TMEM200A: variants seen among roughly 807,000 people sequenced by gnomAD.
The protein encoded by TMEM200A is transmembrane protein 200A.
In TMEM200A, 12 loss-of-function variants were observed where a neutral mutation model predicts 24.3. The observed-to-expected ratio is 0.49, with a 90% CI of 0.32 to 0.80. The LOEUF is 0.80. TMEM200A is among the 30% of genes least tolerant of loss of function. The pLI is 0.04. For missense variants in TMEM200A, 545 were observed against 614.4 expected, an observed-to-expected ratio of 0.89 and a Z score of 1.19; for synonymous variants, 224 against 224.4, an observed-to-expected ratio of 1.00 and a Z score of 0.02.
chr6:130,417,544 A>C (rs1779485400), intron 2 of TMEM200A, among the ~76,000 whole-genome samples: 2 of 152,182 alleles, frequency 1.3e-5, no homozygotes, highest in South Asian at 4.1e-4. Context: ...TCTTTGTATT[A>C]TATGGAAGGT....
intron 2 of TMEM200A, among the ~76,000 whole-genome samples, chr6:130,433,113 T>A (rs1217576005): frequency 6.6e-6 from 1 of 151,974 alleles, no homozygotes; most frequent in African/African-American, 2.4e-5. Flanking sequence ...GAAAAACAAT[T>A]ATGCTACATG....
intron 2 of TMEM200A, chr6:130,438,953 G>A (rs994818282): frequency 1.3e-5 from 2 of 152,176 alleles, no homozygotes; most frequent in Admixed American, 1.3e-4. Flanking sequence ...GGGCAGTGGG[G>A]AGTGGGTGGA....
At chr6:130,420,645 G>C (rs962632239) in intron 2 of TMEM200A, among the ~76,000 whole-genome samples, 5 of 152,106 alleles carry the variant, frequency 3.3e-5, no homozygotes, top group African/African-American at 1.2e-4. Context: ...ATTCTGGCCT[G>C]TGAGCTCCTC....
chr6:130,425,626 A>G (rs1779714669), intron 2 of TMEM200A, among the ~76,000 whole-genome samples: 1 of 152,220 alleles, frequency 6.6e-6, no homozygotes, highest in Non-Finnish European at 1.5e-5. Context: ...CGGAAGTAAT[A>G]TAGTGGCTGC....
At chr6:130,399,738 G>C (rs1378113568) in intron 2 of TMEM200A, among the ~76,000 whole-genome samples, 1 of 150,504 alleles carries the variant, frequency 6.6e-6, no homozygotes. Context: ...GATTACATAA[G>C]TAAGTTCTTT....
chr6:130,436,485 C>CAA (rs11462643), intron 2 of TMEM200A, among the ~76,000 whole-genome samples: 2,763 of 114,758 alleles, frequency 0.024, 28 homozygotes, highest in Non-Finnish European at 0.033. Flanking sequence ...CAGCATTGAC[C>CAA]AAAAAAAAAA....
At chr6:130,411,924 T>G (rs1221076549) in intron 2 of TMEM200A, among the ~76,000 whole-genome samples, 1 of 152,220 alleles carries the variant, frequency 6.6e-6, no homozygotes, top group Non-Finnish European at 1.5e-5. Flanking sequence ...TGTTCCTTAT[T>G]AAAGTATCAA....
intron 1 of TMEM200A, among the ~76,000 whole-genome samples, chr6:130,373,741 C>G (rs377471743): frequency 1.3e-5 from 2 of 152,228 alleles, no homozygotes; most frequent in East Asian, 3.9e-4. Context: ...TAAAAAGATT[C>G]GTGGAACGAT....
At position 130,426,469 on chromosome 6, in the gene TMEM200A, C is replaced by G. The variant is rs535460800; in HGVS notation, c.-16-13938C>G. ...AAGAATCCTTTCTGCAGCCCCCCCC[C>G]CCTCAGTTTCCCTTCATCACAAGGC... On this transcript the variant is annotated intron_variant, in intron 2 of 2. Transcript: ENST00000296978. Among the ~76,000 whole-genome samples, 8 of 150,866 alleles carry G rather than the reference C, an allele frequency of 5.3e-5. No homozygotes were observed. The East Asian group carries it at 1.4e-3, about 26-fold the overall frequency.
intron 1 of TMEM200A, among the ~76,000 whole-genome samples, chr6:130,370,753 C>T (rs1026541902): frequency 1.3e-5 from 2 of 152,038 alleles, no homozygotes; most frequent in Admixed American, 1.3e-4. Context: ...ACCATTTATT[C>T]ATATCTATGT....
At chr6:130,425,121 G>T (rs373595661) in intron 2 of TMEM200A, among the ~76,000 whole-genome samples, 1 of 152,090 alleles carries the variant, frequency 6.6e-6, no homozygotes, top group African/African-American at 2.4e-5. Flanking sequence ...CCTCAGCCCA[G>T]TAAGAGCACA....
At chr6:130,422,078 A>G (rs1369304925) in intron 2 of TMEM200A, among the ~76,000 whole-genome samples, 1 of 152,144 alleles carries the variant, frequency 6.6e-6, no homozygotes, top group East Asian at 1.9e-4. Context: ...TACACAGAAG[A>G]GAGATTGCTG....
intron 2 of TMEM200A, among the ~76,000 whole-genome samples, chr6:130,424,860 A>G (rs80281588): frequency 6.6e-6 from 1 of 152,220 alleles, no homozygotes; most frequent in East Asian, 1.9e-4. Flanking sequence ...GAATGCATGC[A>G]AATCAATTCA....
Position 130,393,151 on chromosome 6 carries a change from C to A in TMEM200A, c.-17+7915C>A, listed in dbSNP as rs78983911. Among the ~76,000 whole-genome samples the A allele has an allele frequency of 1.2e-4, 19 of 152,238 alleles. No homozygotes were observed. In the East Asian group the frequency reaches 3.3e-3, roughly 26 times the overall value. ...TAGAAGCGAGAGATCAGTAGATACC[C>A]AAAGAGAAGCTAAAAGCTGGGATCT... On this transcript the variant is annotated intron_variant, in intron 2 of 2. Coordinates refer to ENST00000296978, the MANE Select transcript of TMEM200A (RefSeq NM_001258277.2).
At position 130,377,862 on chromosome 6, in the gene TMEM200A, C is replaced by A. The variant is rs10080403; in HGVS notation, c.-80-7311C>A. ...AAGAAGAAGAAAAATAAAGCAGAGCCCAGGGACTAAGAGCAGTTAGGATGG... is the reference window on the plus strand; with the variant it reads ...AAGAAGAAGAAAAATAAAGCAGAGCACAGGGACTAAGAGCAGTTAGGATGG... On this transcript the variant is annotated intron_variant, in intron 1 of 2. Transcript: ENST00000296978. Among the ~76,000 whole-genome samples the A allele has an allele frequency of 5.8e-3, 875 of 152,130 alleles. 5 individuals are homozygous for A. Among genetic ancestry groups the A allele is most frequent in the African/African-American group, 0.02 (827 of 41,498 alleles).
chr6:130,365,767 C>G (rs978787668), upstream of TMEM200A: 287 of 985,336 alleles, frequency 2.9e-4, no homozygotes, highest in Non-Finnish European at 3.4e-4. Context: ...GTGATTTGGG[C>G]TCTCGAAGTG....
intron 2 of TMEM200A, among the ~76,000 whole-genome samples, chr6:130,413,543 T>G (rs1779380734): frequency 6.6e-6 from 1 of 152,168 alleles, no homozygotes; most frequent in African/African-American, 2.4e-5. Flanking sequence ...GAAATTCCCT[T>G]GATTCTTGTC....
At chr6:130,380,601 G>T (rs977734555) in intron 1 of TMEM200A, among the ~76,000 whole-genome samples, 21 of 152,080 alleles carry the variant, frequency 1.4e-4, no homozygotes, top group African/African-American at 5.1e-4. Flanking sequence ...AGCTTATCTT[G>T]GCCCATTCTG....
chr6:130,412,074 A>G (rs1177142385), intron 2 of TMEM200A, among the ~76,000 whole-genome samples: 1 of 144,912 alleles, frequency 6.9e-6, no homozygotes, highest in Non-Finnish European at 1.5e-5. Flanking sequence ...GACATACCCC[A>G]TCATTTGTTG....
Sources: gnomAD v4.1 joint callset for allele counts (sites outside exome capture counted in the v4.1 genomes callset) on GRCh38, gnomAD v4.1.1 for gene constraint, MANE v1.5 for transcripts, NCBI Gene and HGNC (gene_info 2026-07-23, HGNC 2026-07-21) for gene names.